SUPT3H: variants seen among roughly 807,000 people sequenced by gnomAD.
SUPT3H encodes SPT3 homolog, SAGA and STAGA complex component, also known as transcription initiation protein SPT3 homolog.
SUPT3H carries 44 observed loss-of-function variants against 44.3 expected under a neutral mutation model. The observed-to-expected ratio is 0.99, with a 90% CI of 0.78 to 1.28. The LOEUF (loss-of-function observed/expected upper bound fraction) is 1.28, where lower values mean the gene tolerates loss of function less well. Ranked by LOEUF, SUPT3H falls within the 50% of genes most tolerant of loss-of-function variation. The pLI, the probability that SUPT3H is intolerant of heterozygous loss-of-function variation, is 0.00. For synonymous variants in SUPT3H, 124 were observed against 125.6 expected (o/e 0.99, Z 0.09); for missense variants, 380 against 387.1 (o/e 0.98, Z 0.15).
chr6:45,196,631 C>G (rs1816078273), intron 2 of SUPT3H, among the ~76,000 whole-genome samples: 1 of 151,936 alleles, frequency 6.6e-6, no homozygotes, highest in Non-Finnish European at 1.5e-5. Context: ...ACATCTTTCA[C>G]CTTAGATATC....
intron 10 of SUPT3H, among the ~76,000 whole-genome samples, chr6:44,904,717 T>A (rs1330814570): frequency 6.6e-6 from 1 of 152,110 alleles, no homozygotes; most frequent in Non-Finnish European, 1.5e-5. Context: ...GCGAAGTCAA[T>A]CCTAAGCCAA....
intron 3 of SUPT3H, among the ~76,000 whole-genome samples, chr6:45,062,661 G>A (rs1408192414): frequency 6.6e-6 from 1 of 152,212 alleles, no homozygotes. Context: ...AGCGCGAGGG[G>A]TCAGGAAGTT....
At chr6:44,819,063 C>A (rs1308068965) in intron 11 of SUPT3H, among the ~76,000 whole-genome samples, 1 of 152,062 alleles carries the variant, frequency 6.6e-6, no homozygotes, top group African/African-American at 2.4e-5. Context: ...GAAATGGAAA[C>A]AATGCAAATG....
intron 9 of SUPT3H, among the ~76,000 whole-genome samples, chr6:44,942,500 C>T (rs969224905): frequency 6.6e-6 from 1 of 152,102 alleles, no homozygotes; most frequent in African/African-American, 2.4e-5. Flanking sequence ...CCAGAGTTCG[C>T]GCAATCACAG....
At chr6:44,965,593 T>TA (rs36024684) in intron 6 of SUPT3H, among the ~76,000 whole-genome samples, 53 of 150,114 alleles carry the variant, frequency 3.5e-4, no homozygotes, top group African/African-American at 1.2e-3. Context: ...CTGAATTGTT[T>TA]AAAAAAAAAA....
At chr6:45,303,516 A>G (rs1782474861) in intron 2 of SUPT3H, among the ~76,000 whole-genome samples, 1 of 152,186 alleles carries the variant, frequency 6.6e-6, no homozygotes, top group Non-Finnish European at 1.5e-5. Flanking sequence ...ATATGAAAAA[A>G]TGCTTAACAT....
chr6:45,025,262 C>G (rs1021597378), intron 3 of SUPT3H, among the ~76,000 whole-genome samples: 9 of 152,132 alleles, frequency 5.9e-5, no homozygotes, highest in African/African-American at 2.2e-4. Context: ...TTTCACACAA[C>G]AGTGTTTCTC....
chr6:44,871,074 G>A (rs1289982299), intron 10 of SUPT3H, among the ~76,000 whole-genome samples: 2 of 149,906 alleles, frequency 1.3e-5, no homozygotes, highest in Non-Finnish European at 3.0e-5. Context: ...CTGGGGGAGG[G>A]GCGCCCGCCA....
At chr6:45,172,783 G>A (rs1411886894) in intron 2 of SUPT3H, among the ~76,000 whole-genome samples, 1 of 151,826 alleles carries the variant, frequency 6.6e-6, no homozygotes, top group Non-Finnish European at 1.5e-5. Flanking sequence ...TTGGAGATGC[G>A]GTTTCACCAT....
At chr6:44,815,622 G>A (rs1169368240) in intron 11 of SUPT3H, among the ~76,000 whole-genome samples, 2 of 152,004 alleles carry the variant, frequency 1.3e-5, no homozygotes, top group East Asian at 3.9e-4. Flanking sequence ...TAATCAAGAA[G>A]ACATGCCATT....
At chr6:45,188,645 T>C (rs1357351660) in intron 2 of SUPT3H, among the ~76,000 whole-genome samples, 3 of 152,188 alleles carry the variant, frequency 2.0e-5, no homozygotes, top group Non-Finnish European at 4.4e-5. Flanking sequence ...TCAATCAATG[T>C]AATCCACCAT....
At chr6:45,353,996 C>A (rs1792611712) in intron 2 of SUPT3H, among the ~76,000 whole-genome samples, 1 of 151,946 alleles carries the variant, frequency 6.6e-6, no homozygotes, top group Non-Finnish European at 1.5e-5. Context: ...TTTTCAAGCT[C>A]AGTTGTCAAA....
chr6:44,885,001 T>C (rs544768142), intron 10 of SUPT3H, among the ~76,000 whole-genome samples: 1 of 151,712 alleles, frequency 6.6e-6, no homozygotes, highest in South Asian at 2.1e-4. Context: ...GCCCACGGAG[T>C]CTGGCTGATT....
At chr6:45,365,153 GAATA>G (rs1794913124) in intron 2 of SUPT3H, 44 bp downstream of exon 2, 1 of 1,138,018 alleles carries the variant, frequency 8.8e-7, no homozygotes, top group Admixed American at 2.1e-5. Context: ...CTTTCAACAT[GAATA>G]AATTTAAAAT....
At chr6:45,283,369 C>G (rs943390641) in intron 2 of SUPT3H, among the ~76,000 whole-genome samples, 1 of 151,776 alleles carries the variant, frequency 6.6e-6, no homozygotes, top group African/African-American at 2.4e-5. Flanking sequence ...TACATAGGAT[C>G]AAAATAAAGG....
chr6:45,315,568 C>G (rs754203555), intron 2 of SUPT3H, among the ~76,000 whole-genome samples: 21 of 152,138 alleles, frequency 1.4e-4, no homozygotes, highest in South Asian at 4.1e-4. Context: ...AAATCAAAAC[C>G]ACAATGCGAT....
chr6:44,864,507 C>A (rs999234306), intron 10 of SUPT3H, among the ~76,000 whole-genome samples: 3 of 152,228 alleles, frequency 2.0e-5, no homozygotes, highest in African/African-American at 7.2e-5. Flanking sequence ...TTTGCCTGGA[C>A]ATCCAGGTAT....
At chr6:45,273,460 T>C (rs1287589606) in intron 2 of SUPT3H, among the ~76,000 whole-genome samples, 2 of 152,212 alleles carry the variant, frequency 1.3e-5, no homozygotes, top group African/African-American at 2.4e-5. Flanking sequence ...GCAGAATTCA[T>C]GTTGCTCTTT....
intron 2 of SUPT3H, among the ~76,000 whole-genome samples, chr6:45,217,708 T>C (rs1765315990): frequency 6.6e-6 from 1 of 151,984 alleles, no homozygotes; most frequent in Non-Finnish European, 1.5e-5. Context: ...CTGATCGACA[T>C]GGCAAAATCC....
Sources: allele counts gnomAD v4.1 joint callset (sites outside exome capture counted in the v4.1 genomes callset), GRCh38; gene constraint gnomAD v4.1.1; transcripts MANE v1.5; gene names NCBI Gene and HGNC (gene_info 2026-07-23, HGNC 2026-07-21).